Variants in CCNH observed in about 807,000 individuals in gnomAD.
The protein encoded by CCNH is cyclin-H.
In CCNH, 31 loss-of-function variants were observed where a neutral mutation model predicts 41.9. That is an observed-to-expected ratio of 0.74 (90% CI 0.56 to 1.00). The LOEUF (loss-of-function observed/expected upper bound fraction) is 1.00. CCNH is among the 50% of genes least tolerant of loss of function. CCNH has a pLI of 0.00. For missense variants in CCNH, 362 were observed against 388.4 expected, an observed-to-expected ratio of 0.93 and a Z score of 0.57; for synonymous variants, 138 against 136.1, an observed-to-expected ratio of 1.01 and a Z score of -0.10.
At chr5:87,331,982 G>A (rs1056903426) in intron 9 of CCNH, among the ~76,000 whole-genome samples, 2 of 151,870 alleles carry the variant, frequency 1.3e-5, no homozygotes, top group South Asian at 2.1e-4. Context: ...ATATTGTATT[G>A]TTTCATTTTT....
chr5:87,408,155 C>T lies in CCNH; in HGVS notation c.346G>A (p.Asp116Asn), dbSNP rs1326598701. Residue 116 changes from aspartate (D) to asparagine (N), a missense_variant, in exon 4 of 9, where the codon GAT becomes AAT. Coordinates refer to ENST00000256897, the MANE Select transcript of CCNH (RefSeq NM_001239.4). ...LTCAFLACKV[D>N]EFNVSSPQFV... ...TGAGGACTAGATACATTGAATTCAT[C>T]TACTTTGCAGGCCAAAAATGCACAA... The T allele has an allele frequency of 1.3e-6, 2 of 1,571,466 alleles. No homozygotes were observed. Among genetic ancestry groups the T allele is most frequent in the Admixed American group, 1.7e-5 (1 of 58,300 alleles).
At chr5:87,406,925 C>A (rs1763836339) in intron 4 of CCNH, among the ~76,000 whole-genome samples, 1 of 152,148 alleles carries the variant, frequency 6.6e-6, no homozygotes, top group African/African-American at 2.4e-5. Context: ...TCTAATCATG[C>A]CACTCTCTAA....
downstream of CCNH, chr5:87,387,046 A>G: frequency 1.4e-6 from 1 of 698,370 alleles, no homozygotes; most frequent in Non-Finnish European, 2.4e-6. Context: ...CTGCCTTCCT[A>G]AACAAAAAAC....
chr5:87,383,918 A>C (rs2112509551), intron 9 of CCNH: 1 of 758,580 alleles, frequency 1.3e-6, no homozygotes, highest in South Asian at 1.9e-5. Flanking sequence ...ATTCCAAAGC[A>C]CCCTTCCTTC....
In CCNH at chr5:87,412,762, C is replaced by T; in HGVS notation, c.33G>A (p.Trp11Ter). The change falls in exon 1 of 9, where the codon TGG becomes TGA. Residue 11 changes from tryptophan (W) to a stop codon, truncating the protein, a stop_gained. Coordinates refer to ENST00000256897, the MANE Select transcript of CCNH (RefSeq NM_001239.4). LOFTEE classifies it high-confidence loss of function. ...CCAGCTGCTCCTCGCTGGAGAAGGT[C>T]CAGTGCCGCTTCTGACTACTGTTGT... is the stretch of plus-strand genomic sequence containing the variant. MYHNSSQKRH[W>*]TFSSEEQLAR... The T allele has an allele frequency of 6.2e-7, 1 of 1,614,218 alleles. No individual in the cohort carries two copies.
intron 7 of CCNH, among the ~76,000 whole-genome samples, chr5:87,395,625 C>T (rs553862440): frequency 6.6e-6 from 1 of 152,308 alleles, no homozygotes; most frequent in South Asian, 2.1e-4. Flanking sequence ...GTAATCCCAG[C>T]TCTTTAGGAG....
chr5:87,316,497 C>T (rs535934135), downstream of CCNH, among the ~76,000 whole-genome samples: 27 of 151,334 alleles, frequency 1.8e-4, no homozygotes, highest in Non-Finnish European at 3.5e-4. Flanking sequence ...AATTTTCTAC[C>T]TCTCTCCCTC....
At chr5:87,368,615 T>C (rs754824592) in intron 9 of CCNH, among the ~76,000 whole-genome samples, 2 of 152,192 alleles carry the variant, frequency 1.3e-5, no homozygotes, top group Non-Finnish European at 2.9e-5. Flanking sequence ...TTTGCCCTTA[T>C]CATGAAGGCA....
chr5:87,391,185 G>T (rs1432329523), downstream of CCNH: 2 of 488,770 alleles, frequency 4.1e-6, no homozygotes, highest in Non-Finnish European at 7.4e-6. Context: ...TTGATATCTC[G>T]AACTTTCAAA....
upstream of CCNH, among the ~76,000 whole-genome samples, chr5:87,379,165 G>A (rs149923757): frequency 3.2e-3 from 494 of 152,222 alleles, 3 homozygotes; most frequent in African/African-American, 0.011. Flanking sequence ...AATCCTGCAC[G>A]AAGGTGTCGA....
intron 9 of CCNH, among the ~76,000 whole-genome samples, chr5:87,359,884 C>G (rs749797000): frequency 1.7e-4 from 26 of 152,220 alleles, no homozygotes; most frequent in African/African-American, 3.6e-4. Context: ...GTTTACGTAC[C>G]TGAAATGGAC....
chr5:87,386,256 T>C (rs7735175), intron 9 of CCNH, among the ~76,000 whole-genome samples: 1,830 of 152,142 alleles, frequency 0.012, 30 homozygotes, highest in African/African-American at 0.041. Context: ...AAAGAGTGTG[T>C]TAATCTTAAC....
chr5:87,342,162 C>CTTTTTTTTTTTTTTTTT (rs531793273), intron 9 of CCNH, among the ~76,000 whole-genome samples: 2 of 139,786 alleles, frequency 1.4e-5, no homozygotes, highest in Non-Finnish European at 1.6e-5. Flanking sequence ...GTTATTTTTT[C>CTTTTTTTTTTTTTTTTT]TTTTTTTTTT....
downstream of CCNH, chr5:87,391,004 T>A: frequency 1.0e-6 from 1 of 994,998 alleles, no homozygotes; most frequent in South Asian, 1.3e-5. Flanking sequence ...CAGTGATGTG[T>A]GAGCTATGCA....
intron 9 of CCNH, chr5:87,353,134 A>C (rs775686466): frequency 5.7e-6 from 9 of 1,571,028 alleles, no homozygotes; most frequent in South Asian, 1.1e-5. Flanking sequence ...ACAGATTAAT[A>C]CTAGAAATTT....
upstream of CCNH, chr5:87,379,973 T>A: frequency 9.7e-7 from 1 of 1,027,096 alleles, no homozygotes; most frequent in Non-Finnish European, 1.4e-6. Context: ...AAGTCATGGT[T>A]AATCTTTATG....
At chr5:87,380,697 T>G, upstream of CCNH, 3 of 1,106,678 alleles carry the variant, frequency 2.7e-6, no homozygotes, top group Non-Finnish European at 4.1e-6. Flanking sequence ...TTTCTTTGGC[T>G]TTTATGTCAA....
rs146092293 is a variant in CCNH, at chr5:87,322,543, C to G, written c.*91-3646G>C. Among the ~76,000 whole-genome samples, 634 of 152,250 alleles carry G rather than the reference C, an allele frequency of 4.2e-3. 3 individuals are homozygous for G. Among genetic ancestry groups the G allele is most frequent in the Admixed American group, 6.5e-3 (99 of 15,290 alleles). On this transcript the variant is annotated intron_variant and NMD_transcript_variant, in intron 9 of 9. Transcript: ENST00000645953. Reference sequence around the variant, plus strand: ...GTTTAAAGGAGCCTGGCTCCTCCCCCCTTCTCTTGCTCTCTCTGGTCATGT... The same window carrying G: ...GTTTAAAGGAGCCTGGCTCCTCCCCGCTTCTCTTGCTCTCTCTGGTCATGT...
chr5:87,337,408 A>G (rs1472974985), intron 9 of CCNH, among the ~76,000 whole-genome samples: 1 of 152,076 alleles, frequency 6.6e-6, no homozygotes, highest in African/African-American at 2.4e-5. Context: ...CCCATTGGAT[A>G]ATGGGTATCT....
Sources: gnomAD v4.1 joint callset for allele counts (sites outside exome capture counted in the v4.1 genomes callset) on GRCh38, gnomAD v4.1.1 for gene constraint, MANE v1.5 for transcripts, NCBI Gene and HGNC (gene_info 2026-07-23, HGNC 2026-07-21) for gene names.